Variants in PALLD observed in about 807,000 individuals in gnomAD.
PALLD encodes the protein palladin, cytoskeletal associated protein, also known as palladin.
In PALLD, 61 loss-of-function variants were observed where a neutral mutation model predicts 123.5. The observed-to-expected ratio is 0.49, with a 90% CI of 0.40 to 0.61. The LOEUF is 0.61. Among genes scored for constraint, PALLD ranks in the 20% least tolerant of loss-of-function variants. PALLD has a pLI of 0.00. For missense variants in PALLD, 1,273 were observed against 1,377.0 expected, an observed-to-expected ratio of 0.92 and a Z score of 1.20; for synonymous variants, 465 against 496.4, an observed-to-expected ratio of 0.94 and a Z score of 0.84.
chr4:168,747,664 C>T (rs1730505836), intron 10 of PALLD, among the ~76,000 whole-genome samples: 1 of 152,142 alleles, frequency 6.6e-6, no homozygotes, highest in African/African-American at 2.4e-5. Flanking sequence ...GGGGGACCTG[C>T]CAGTCACCTT....
chr4:168,748,004 T>C lies in PALLD; in HGVS notation c.1964+36081T>C, dbSNP rs201570282. On this transcript the variant is annotated intron_variant, in intron 10 of 21. Transcript: ENST00000505667. ...TCCCCGTTGTGATCAGCTTTCTGAA[T>C]TTATTTGTAATTATTTCTTCAGAAG... 6.6e-5 allele frequency among the ~76,000 whole-genome samples: 10 copies of C among 152,362 alleles called. No individual in the cohort carries two copies. The East Asian group carries it at 1.7e-3, about 26-fold the overall frequency.
At chr4:168,561,447 A>T (rs562247059) in intron 2 of PALLD, among the ~76,000 whole-genome samples, 2 of 151,132 alleles carry the variant, frequency 1.3e-5, no homozygotes. Flanking sequence ...TAATTTTTAA[A>T]TTTTTTTTTG....
At chr4:168,827,078 G>T (rs982751460) in intron 10 of PALLD, among the ~76,000 whole-genome samples, 6 of 152,240 alleles carry the variant, frequency 3.9e-5, no homozygotes, top group Admixed American at 1.3e-4. Flanking sequence ...CATTCTCCCT[G>T]TGACATAGCA....
At chr4:168,734,919 ATCT>A (rs1210747626) in intron 10 of PALLD, among the ~76,000 whole-genome samples, 1 of 150,756 alleles carries the variant, frequency 6.6e-6, no homozygotes, top group Non-Finnish European at 1.5e-5. Flanking sequence ...GCAAGACCCC[ATCT>A]CTTAGAGAGA....
At chr4:168,533,507 T>A (rs73863913) in intron 2 of PALLD, among the ~76,000 whole-genome samples, 6,549 of 152,236 alleles carry the variant, frequency 0.043, 367 homozygotes, top group African/African-American at 0.13. Context: ...GATGACTAGA[T>A]AATTATGCCA....
At chr4:168,900,885 A>T (rs1756367992) in intron 14 of PALLD, among the ~76,000 whole-genome samples, 1 of 152,250 alleles carries the variant, frequency 6.6e-6, no homozygotes, top group Non-Finnish European at 1.5e-5. Flanking sequence ...CTTCCAAGAT[A>T]TTCACAAGAA....
intron 2 of PALLD, among the ~76,000 whole-genome samples, chr4:168,548,361 G>A (rs1252149397): frequency 6.6e-6 from 1 of 150,678 alleles, no homozygotes; most frequent in Non-Finnish European, 1.5e-5. Flanking sequence ...AAAAAAAACA[G>A]GGAAACACTA....
At chr4:168,830,789 A>C (rs1744099308) in intron 10 of PALLD, among the ~76,000 whole-genome samples, 1 of 152,234 alleles carries the variant, frequency 6.6e-6, no homozygotes, top group Non-Finnish European at 1.5e-5. Flanking sequence ...ACCTGGCTGA[A>C]GACAGTGAAC....
intron 10 of PALLD, among the ~76,000 whole-genome samples, chr4:168,757,414 G>T (rs1040321551): frequency 6.6e-6 from 1 of 152,196 alleles, no homozygotes; most frequent in Non-Finnish European, 1.5e-5. Context: ...TACTGACTAG[G>T]GAGGGTGCTA....
chr4:168,716,190 G>C (rs1785353827), intron 10 of PALLD, among the ~76,000 whole-genome samples: 1 of 152,126 alleles, frequency 6.6e-6, no homozygotes, highest in African/African-American at 2.4e-5. Context: ...TCTTGTGGGA[G>C]AAAGGTAGGA....
chr4:168,776,384 A>C (rs932466377), intron 10 of PALLD, among the ~76,000 whole-genome samples: 14 of 152,200 alleles, frequency 9.2e-5, no homozygotes, highest in Non-Finnish European at 1.6e-4. Context: ...AACCTTACCA[A>C]ACTTATTCTA....
intron 10 of PALLD, among the ~76,000 whole-genome samples, chr4:168,728,412 T>C (rs907122774): frequency 3.9e-5 from 6 of 152,154 alleles, no homozygotes; most frequent in African/African-American, 1.4e-4. Flanking sequence ...TGTAGAGACC[T>C]TTCACCTCCT....
At chr4:168,695,182 G>C (rs1228408954) in intron 8 of PALLD, among the ~76,000 whole-genome samples, 3 of 152,190 alleles carry the variant, frequency 2.0e-5, no homozygotes, top group Non-Finnish European at 4.4e-5. Flanking sequence ...TTGTACGGTA[G>C]AGTCTAGGCT....
rs368545667 is a variant in PALLD, at chr4:168,501,725, T to C, written c.-83+4531T>C. ...CATGGCAGCTGCCCCCATGGTACAC[T>C]CTGAAGGAACCTAAAGGACCATTGA... On this transcript the variant is annotated intron_variant, in intron 1 of 21. Coordinates refer to ENST00000505667, the MANE Select transcript of PALLD (RefSeq NM_001166108.2). Among the ~76,000 whole-genome samples, 17 of 152,142 alleles carry C rather than the reference T, an allele frequency of 1.1e-4. No homozygotes were observed. The East Asian group carries it at 1.2e-3, about 10-fold the overall frequency.
chr4:168,749,141 C>A (rs983727073), intron 10 of PALLD, among the ~76,000 whole-genome samples: 11 of 152,046 alleles, frequency 7.2e-5, no homozygotes, highest in African/African-American at 2.4e-4. Context: ...CACTTCCCTG[C>A]CACTCTCTCT....
chr4:168,519,161 G>A (rs912605113), intron 2 of PALLD, among the ~76,000 whole-genome samples: 7 of 152,242 alleles, frequency 4.6e-5, no homozygotes, highest in African/African-American at 1.7e-4. Context: ...GTGTGGGAAT[G>A]AGGAACAGTC....
At chr4:168,750,579 T>G (rs963371911) in intron 10 of PALLD, among the ~76,000 whole-genome samples, 1 of 152,200 alleles carries the variant, frequency 6.6e-6, no homozygotes, top group Non-Finnish European at 1.5e-5. Context: ...TATGCTTTTT[T>G]CTTTGTACAT....
At chr4:168,838,303 A>G (rs943185613) in intron 10 of PALLD, among the ~76,000 whole-genome samples, 1 of 152,172 alleles carries the variant, frequency 6.6e-6, no homozygotes, top group Non-Finnish European at 1.5e-5. Context: ...AGCCAAGAGC[A>G]CAGAGCTGAT....
At chr4:168,541,148 C>G (rs1765571227) in intron 2 of PALLD, among the ~76,000 whole-genome samples, 1 of 152,186 alleles carries the variant, frequency 6.6e-6, no homozygotes, top group Admixed American at 6.5e-5. Flanking sequence ...TATGTTGACT[C>G]ACTGTTACTT....
Sources: gnomAD v4.1 joint callset for allele counts (sites outside exome capture counted in the v4.1 genomes callset) on GRCh38, gnomAD v4.1.1 for gene constraint, MANE v1.5 for transcripts, NCBI Gene and HGNC (gene_info 2026-07-23, HGNC 2026-07-21) for gene names.